Variants in NAV2 observed in about 807,000 individuals in gnomAD.
NAV2 encodes helicase, APC down-regulated 1.
In NAV2, 54 loss-of-function variants were observed where a neutral mutation model predicts 223.2. The observed-to-expected ratio is 0.24, with a 90% CI of 0.19 to 0.30. The LOEUF is 0.30. Among genes scored for constraint, NAV2 ranks in the 10% least tolerant of loss-of-function variants. The pLI is 1.00. For synonymous variants in NAV2, 1,279 were observed against 1,239.3 expected (o/e 1.03, Z -0.67); for missense variants, 2,806 against 3,147.5 (o/e 0.89, Z 2.60).
intron 3 of NAV2, among the ~76,000 whole-genome samples, chr11:19,860,892 G>C (rs1384353412): frequency 6.6e-6 from 1 of 152,068 alleles, no homozygotes; most frequent in Non-Finnish European, 1.5e-5. Flanking sequence ...CCAGTCAGGC[G>C]TGGCGGCGCG....
intron 11 of NAV2, among the ~76,000 whole-genome samples, chr11:20,016,443 G>A (rs749568020): frequency 2.0e-5 from 3 of 152,228 alleles, no homozygotes; most frequent in Non-Finnish European, 2.9e-5. Context: ...GAATATGTGT[G>A]CTTTTACATG....
intron 1 of NAV2, among the ~76,000 whole-genome samples, chr11:19,450,221 G>C (rs1192912317): frequency 1.3e-5 from 2 of 152,150 alleles, no homozygotes; most frequent in Non-Finnish European, 2.9e-5. Flanking sequence ...CCTGGGGAGT[G>C]GCTCAACACC....
At chr11:19,392,804 T>C (rs1197741363) in intron 1 of NAV2, among the ~76,000 whole-genome samples, 1 of 152,216 alleles carries the variant, frequency 6.6e-6, no homozygotes, top group Non-Finnish European at 1.5e-5. Flanking sequence ...GGTTCAAGTG[T>C]GATCTTGCAG....
intron 1 of NAV2, among the ~76,000 whole-genome samples, chr11:19,418,203 A>G (rs1044023315): frequency 6.6e-6 from 1 of 152,230 alleles, no homozygotes; most frequent in African/African-American, 2.4e-5. Flanking sequence ...CTATCACTCA[A>G]TCAACCTCTC....
intron 1 of NAV2, among the ~76,000 whole-genome samples, chr11:19,416,256 A>G (rs1050184157): frequency 2.6e-5 from 4 of 152,246 alleles, no homozygotes; most frequent in African/African-American, 9.6e-5. Flanking sequence ...GTCTCAGGAT[A>G]CAAAATCAAT....
At chr11:19,825,924 G>A (rs547359919) in intron 1 of NAV2, among the ~76,000 whole-genome samples, 1 of 152,280 alleles carries the variant, frequency 6.6e-6, no homozygotes, top group East Asian at 1.9e-4. Context: ...AGCTGTCTTA[G>A]CTTTCCTTCC....
intron 1 of NAV2, among the ~76,000 whole-genome samples, chr11:19,565,219 A>G (rs549307191): frequency 4.6e-4 from 70 of 152,280 alleles, no homozygotes; most frequent in African/African-American, 1.5e-3. Flanking sequence ...GTCCTTTTAC[A>G]TATGTTTACT....
chr11:19,670,548 C>T (rs1162813369), intron 1 of NAV2, among the ~76,000 whole-genome samples: 1 of 152,218 alleles, frequency 6.6e-6, no homozygotes, highest in Non-Finnish European at 1.5e-5. Flanking sequence ...CCTGTGGCTC[C>T]TCATCTGAGG....
chr11:19,937,739 A>G (rs1367888062), intron 7 of NAV2, among the ~76,000 whole-genome samples: 1 of 152,196 alleles, frequency 6.6e-6, no homozygotes, highest in African/African-American at 2.4e-5. Context: ...AACATTTCTT[A>G]TTTATCCAGT....
chr11:19,792,621 C>G (rs1203877588), intron 1 of NAV2, among the ~76,000 whole-genome samples: 2 of 152,236 alleles, frequency 1.3e-5, no homozygotes, highest in Non-Finnish European at 2.9e-5. Flanking sequence ...AGAACTCACT[C>G]AGACTCTGCC....
At chr11:19,661,266 C>A (rs539930061) in intron 1 of NAV2, among the ~76,000 whole-genome samples, 3 of 152,126 alleles carry the variant, frequency 2.0e-5, no homozygotes, top group Admixed American at 2.0e-4. Context: ...TGTTGTAGCA[C>A]GTGTCCGAAT....
intron 1 of NAV2, among the ~76,000 whole-genome samples, chr11:19,692,417 A>G (rs909129886): frequency 6.6e-6 from 1 of 152,226 alleles, no homozygotes; most frequent in African/African-American, 2.4e-5. Flanking sequence ...GACGCTACCT[A>G]ATGCTAAACA....
At chr11:19,657,497 GTA>G (rs2048159240) in intron 1 of NAV2, among the ~76,000 whole-genome samples, 1 of 152,184 alleles carries the variant, frequency 6.6e-6, no homozygotes, top group African/African-American at 2.4e-5. Flanking sequence ...AGTTGGCTGT[GTA>G]TATTAGGGAA....
At chr11:19,902,624 T>C (rs1292437790) in intron 6 of NAV2, among the ~76,000 whole-genome samples, 1 of 152,252 alleles carries the variant, frequency 6.6e-6, no homozygotes, top group East Asian at 1.9e-4. Context: ...GCATTTCTCT[T>C]GCTTCCATCT....
At chr11:19,710,880 G>A (rs1477014291), upstream of NAV2, 1 of 152,146 alleles carries the variant, frequency 6.6e-6, no homozygotes, top group Non-Finnish European at 1.5e-5. Flanking sequence ...TAGCTATTCT[G>A]TCCACAGCTT....
intron 6 of NAV2, among the ~76,000 whole-genome samples, chr11:19,908,613 G>A (rs1280471169): frequency 4.6e-5 from 7 of 152,170 alleles, no homozygotes; most frequent in East Asian, 1.9e-4. Context: ...GTGGATGAAC[G>A]AATTTTTAAT....
chr11:19,631,896 T>C (rs2047357512), intron 1 of NAV2, among the ~76,000 whole-genome samples: 1 of 152,250 alleles, frequency 6.6e-6, no homozygotes, highest in Non-Finnish European at 1.5e-5. Context: ...ACAGCTCAGT[T>C]GTGCAATTTT....
Position 20,075,633 on chromosome 11 carries a change from C to G in NAV2, c.4984-1919C>G, listed in dbSNP as rs549343032. Among the ~76,000 whole-genome samples, 5 of 152,198 alleles carry G rather than the reference C, an allele frequency of 3.3e-5. No individual in the cohort carries two copies. The East Asian group carries it at 7.7e-4, about 24-fold the overall frequency. Reference sequence around the variant, plus strand: ...TACTACAAGTAGAAATGCTCCCTGCCAGCGGTTGATTCTAGAGATGTCTTA... The same window carrying G: ...TACTACAAGTAGAAATGCTCCCTGCGAGCGGTTGATTCTAGAGATGTCTTA... On this transcript the variant is annotated intron_variant, in intron 22 of 37. Coordinates refer to ENST00000349880, the MANE Select transcript of NAV2 (RefSeq NM_145117.5).
intron 37 of NAV2, among the ~76,000 whole-genome samples, chr11:20,117,649 G>C (rs2063229550): frequency 6.6e-6 from 1 of 152,098 alleles, no homozygotes. Context: ...TTTGATGCTT[G>C]TTGAAGTGGG....
Sources: allele counts gnomAD v4.1 joint callset (sites outside exome capture counted in the v4.1 genomes callset), GRCh38; gene constraint gnomAD v4.1.1; transcripts MANE v1.5; gene names NCBI Gene and HGNC (gene_info 2026-07-23, HGNC 2026-07-21).